COPG2: variants seen among roughly 807,000 people sequenced by gnomAD.
The protein encoded by COPG2 is coatomer subunit gamma-2.
Under a neutral mutation model 46.3 loss-of-function variants are expected in COPG2, and 37 were observed. The observed-to-expected ratio is 0.80, with a 90% CI of 0.61 to 1.05. The LOEUF is 1.05. Ranked by LOEUF, COPG2 falls within the 50% of genes least tolerant of loss-of-function variation. The probability of loss-of-function intolerance (pLI) is 0.00; values close to 1 mark genes in which losing one functional copy is unlikely to be tolerated. For missense variants in COPG2, 427 were observed against 387.8 expected, an observed-to-expected ratio of 1.10 and a Z score of -0.85; for synonymous variants, 159 against 129.7, an observed-to-expected ratio of 1.23 and a Z score of -1.53.
Position 130,650,144 on chromosome 7 carries a change from A to G in COPG2, c.323+2725T>C, listed in dbSNP as rs376715025. On this transcript the variant is annotated intron_variant, in intron 5 of 23. Coordinates refer to ENST00000425248, the MANE Select transcript of COPG2 (RefSeq NM_012133.6). ...CATCTCTGACCTTGTTTCCATCATC[A>G]CATCTCTTACTGACGCCTCTTCTGC... 2.7e-4 allele frequency among the ~76,000 whole-genome samples: 41 copies of G among 152,092 alleles called. No individual in the cohort carries two copies. The East Asian group carries it at 3.7e-3, about 14-fold the overall frequency.
intron 5 of COPG2, chr7:130,645,336 G>A: frequency 1.7e-6 from 1 of 573,398 alleles, no homozygotes; most frequent in Admixed American, 1.9e-5. Flanking sequence ...CAGCACAGTT[G>A]CCTTCTACTA....
At chr7:130,589,840 A>AG (rs1476784540) in intron 9 of COPG2, among the ~76,000 whole-genome samples, 4 of 152,152 alleles carry the variant, frequency 2.6e-5, no homozygotes, top group African/African-American at 9.7e-5. Context: ...CTGCGCGTTA[A>AG]TCCCAAATTT....
In COPG2 at chr7:130,645,068, C is replaced by CAA. The variant is rs59544911; in HGVS notation, c.323+7799_323+7800dup. On this transcript the variant is annotated intron_variant, in intron 5 of 23. Coordinates refer to ENST00000425248, the MANE Select transcript of COPG2 (RefSeq NM_012133.6). ...CAAGAGCGAGACTTCATCCCAAAAA[C>CAA]AAAAAAAAAAAAAAAAAGAAAAGAA... Among the ~76,000 whole-genome samples, 5 of 113,460 alleles carry CAA rather than the reference C, an allele frequency of 4.4e-5. No homozygotes were observed. The Admixed American group carries it at 4.6e-4, about 10-fold the overall frequency. 74.4% of individuals were successfully genotyped at this position (113,460 alleles called of 152,430 possible).
intron 20 of COPG2, chr7:130,508,942 C>A: frequency 2.0e-6 from 1 of 488,554 alleles, no homozygotes. Flanking sequence ...CAGAGAGGTA[C>A]TTTTGGGGGC....
chr7:130,662,826 T>C, intron 4 of COPG2, 141 bp downstream of exon 4: 1 of 637,088 alleles, frequency 1.6e-6, no homozygotes, highest in South Asian at 2.0e-5. Context: ...CGTCTTATAA[T>C]GAATATTTAT....
chr7:130,522,970 T>A (rs989257416), intron 20 of COPG2, among the ~76,000 whole-genome samples: 2 of 150,862 alleles, frequency 1.3e-5, no homozygotes, highest in African/African-American at 2.4e-5. Flanking sequence ...AAGAAAAAAA[T>A]CAGCTGGGCG....
chr7:130,611,615 A>G (rs1460347898), intron 8 of COPG2, among the ~76,000 whole-genome samples: 2 of 152,226 alleles, frequency 1.3e-5, no homozygotes, highest in Non-Finnish European at 2.9e-5. Context: ...TAATAACTGA[A>G]TATGTTACCA....
chr7:130,565,457 G>T (rs1025152889), intron 9 of COPG2, among the ~76,000 whole-genome samples: 5 of 152,128 alleles, frequency 3.3e-5, no homozygotes, highest in Admixed American at 6.5e-5. Flanking sequence ...GGAAAGGGAA[G>T]GTCTGATTAC....
At chr7:130,513,057 A>G (rs1335256025) in intron 20 of COPG2, among the ~76,000 whole-genome samples, 1 of 151,208 alleles carries the variant, frequency 6.6e-6, no homozygotes, top group East Asian at 2.0e-4. Context: ...GGACTGAGAC[A>G]GGTGGATCAT....
chr7:130,543,069 G>A (rs2116374101), intron 20 of COPG2, among the ~76,000 whole-genome samples: 1 of 152,292 alleles, frequency 6.6e-6, no homozygotes, highest in East Asian at 1.9e-4. Flanking sequence ...AGAGGGTGAT[G>A]GTAAAGCAAC....
chr7:130,587,815 C>A (rs1255546637), intron 9 of COPG2, among the ~76,000 whole-genome samples: 1 of 152,116 alleles, frequency 6.6e-6, no homozygotes, highest in Non-Finnish European at 1.5e-5. Context: ...AACTAAAGAG[C>A]TTCAGCACAG....
intron 11 of COPG2, 131 bp from the exon 12 acceptor site, chr7:130,561,352 A>C (rs1793715808): frequency 5.0e-6 from 2 of 396,544 alleles, no homozygotes; most frequent in South Asian, 1.4e-4. Flanking sequence ...AAAAACAAAA[A>C]GAATGGCTCC....
At chr7:130,651,812 G>A (rs1005633363) in intron 5 of COPG2, among the ~76,000 whole-genome samples, 14 of 152,026 alleles carry the variant, frequency 9.2e-5, no homozygotes, top group Admixed American at 2.6e-4. Context: ...CACCGCGCCC[G>A]GCCAATTTTT....
At position 130,549,043 on chromosome 7, in the gene COPG2, CA is replaced by C. The variant is rs1284034360; in HGVS notation, c.1837+270del. 2.9e-3 allele frequency among the ~76,000 whole-genome samples: 319 copies of C among 110,528 alleles called. 1 individual carries two copies. Among genetic ancestry groups the C allele is most frequent in the Non-Finnish European group, 3.8e-3 (174 of 45,554 alleles). The allele number at this position is 110,528 out of a possible 152,430, so 72.5% of individuals were successfully genotyped here. ...CTTATATATTAATGAAAGCAAAAAG[CA>C]AAAAAAAAAAAAAAGAAAGTAAATA... On this transcript the variant is annotated intron_variant, in intron 18 of 23. Transcript: ENST00000425248.
At chr7:130,558,128 T>A (rs1302960893) in intron 12 of COPG2, among the ~76,000 whole-genome samples, 4 of 151,970 alleles carry the variant, frequency 2.6e-5, no homozygotes, top group African/African-American at 9.7e-5. Flanking sequence ...ACAGAAAAAA[T>A]TAAAATAATT....
intron 9 of COPG2, among the ~76,000 whole-genome samples, chr7:130,582,474 A>C (rs2116442298): frequency 6.6e-6 from 1 of 152,000 alleles, no homozygotes; most frequent in Non-Finnish European, 1.5e-5. Flanking sequence ...AAGCAATGGC[A>C]ACAAAAGACA....
intron 17 of COPG2, among the ~76,000 whole-genome samples, chr7:130,550,219 T>C (rs1272961158): frequency 1.3e-5 from 2 of 152,074 alleles, no homozygotes; most frequent in African/African-American, 4.8e-5. Flanking sequence ...AAGACCAACC[T>C]GGCCAACATG....
At chr7:130,546,964 T>TC (rs1793453467) in intron 20 of COPG2, 1 of 152,092 alleles carries the variant, frequency 6.6e-6, no homozygotes. Context: ...GCACTGAACA[T>TC]GAGAAGAGAA....
chr7:130,533,485 C>T (rs1205154584), intron 20 of COPG2, among the ~76,000 whole-genome samples: 1 of 151,556 alleles, frequency 6.6e-6, no homozygotes, highest in Non-Finnish European at 1.5e-5. Flanking sequence ...GAGGGTGCAG[C>T]GGTTTGGCAC....
Sources: allele counts gnomAD v4.1 joint callset (sites outside exome capture counted in the v4.1 genomes callset), GRCh38; gene constraint gnomAD v4.1.1; transcripts MANE v1.5; gene names NCBI Gene and HGNC (gene_info 2026-07-23, HGNC 2026-07-21).